ADARB2: variants seen among roughly 807,000 people sequenced by gnomAD.
ADARB2 encodes the protein adenosine deaminase RNA specific B2 (inactive).
Under a neutral mutation model 62.2 loss-of-function variants are expected in ADARB2, and 25 were observed. That is an observed-to-expected ratio of 0.40 (90% CI 0.29 to 0.56). The LOEUF is 0.56. Among genes scored for constraint, ADARB2 ranks in the 20% least tolerant of loss-of-function variants. The pLI, the probability that ADARB2 is intolerant of heterozygous loss-of-function variation, is 0.43. For synonymous variants in ADARB2, 572 were observed against 500.8 expected (o/e 1.14, Z -1.90); for missense variants, 1,071 against 1,077.4 (o/e 0.99, Z 0.08).
chr10:1,532,375 C>G (rs537532153), intron 1 of ADARB2, among the ~76,000 whole-genome samples: 2 of 152,298 alleles, frequency 1.3e-5, no homozygotes, highest in East Asian at 3.9e-4. Context: ...CCAACTTTCC[C>G]CCGTGATCTC....
chr10:1,591,940 T>C (rs1440424667), intron 1 of ADARB2, among the ~76,000 whole-genome samples: 2 of 152,236 alleles, frequency 1.3e-5, no homozygotes, highest in African/African-American at 2.4e-5. Context: ...CCGGCCGGCA[T>C]CCTTCACCTC....
At chr10:1,309,014 A>AT (rs998660287) in intron 3 of ADARB2, among the ~76,000 whole-genome samples, 27 of 152,300 alleles carry the variant, frequency 1.8e-4, no homozygotes, top group Middle Eastern at 3.4e-3. Context: ...AAAGGCAATG[A>AT]TTTTTTTATA....
chr10:1,303,128 G>GA lies in ADARB2; in HGVS notation c.1078-32060dup, dbSNP rs1490665517. On this transcript the variant is annotated intron_variant, in intron 3 of 9. Transcript: ENST00000381312. ...CAAAGGCAAAGAAGTTGAAAACTTT[G>GA]AAAAAAATTTAGAAGAATTTGTAAC... Among the ~76,000 whole-genome samples, 5 of 151,570 alleles carry GA rather than the reference G, an allele frequency of 3.3e-5. No individual in the cohort carries two copies. In the East Asian group the frequency reaches 9.7e-4, roughly 30 times the overall value.
At chr10:1,654,058 C>T (rs375275776) in intron 1 of ADARB2, among the ~76,000 whole-genome samples, 1 of 152,036 alleles carries the variant, frequency 6.6e-6, no homozygotes, top group Admixed American at 6.6e-5. Flanking sequence ...CCTTCAGCAT[C>T]CGATGCTCCT....
intron 9 of ADARB2, 65 bp downstream of exon 9, chr10:1,184,796 T>A: frequency 6.5e-7 from 1 of 1,549,448 alleles, no homozygotes; most frequent in Non-Finnish European, 8.7e-7. Flanking sequence ...TCCCAAGAGC[T>A]TGCTCAGGGC....
At chr10:1,652,508 G>A (rs901720824) in intron 1 of ADARB2, among the ~76,000 whole-genome samples, 5 of 152,210 alleles carry the variant, frequency 3.3e-5, no homozygotes, top group African/African-American at 4.8e-5. Context: ...TCTTAGGGGA[G>A]GAAGAGAAAC....
At chr10:1,715,426 A>T (rs1481751386) in intron 1 of ADARB2, among the ~76,000 whole-genome samples, 1 of 152,242 alleles carries the variant, frequency 6.6e-6, no homozygotes, top group Non-Finnish European at 1.5e-5. Context: ...TACTGTACAA[A>T]TAGATTTTGA....
chr10:1,568,128 C>A (rs923858169), intron 1 of ADARB2, among the ~76,000 whole-genome samples: 1 of 152,240 alleles, frequency 6.6e-6, no homozygotes, highest in Non-Finnish European at 1.5e-5. Flanking sequence ...GCAAACCACC[C>A]GGGGAACAGT....
intron 1 of ADARB2, among the ~76,000 whole-genome samples, chr10:1,726,210 G>T (rs1316474408): frequency 6.6e-6 from 1 of 152,198 alleles, no homozygotes; most frequent in Non-Finnish European, 1.5e-5. Flanking sequence ...GTTGGGTGTA[G>T]CCTCTACATA....
chr10:1,401,468 G>T (rs1243532076), intron 1 of ADARB2, among the ~76,000 whole-genome samples: 1 of 152,190 alleles, frequency 6.6e-6, no homozygotes. Flanking sequence ...TGGAGGGCAG[G>T]TGCCAGCGCT....
intron 1 of ADARB2, among the ~76,000 whole-genome samples, chr10:1,558,134 C>T (rs575196198): frequency 5.7e-4 from 86 of 152,194 alleles, no homozygotes; most frequent in Middle Eastern, 6.8e-3. Flanking sequence ...GGAACCCTCA[C>T]GTCTCCATCC....
intron 7 of ADARB2, among the ~76,000 whole-genome samples, chr10:1,212,136 T>C (rs749085040): frequency 1.9e-4 from 29 of 152,354 alleles, no homozygotes; most frequent in Non-Finnish European, 3.8e-4. Context: ...ATTAACTCCC[T>C]GACTTAGAAT....
intron 1 of ADARB2, among the ~76,000 whole-genome samples, chr10:1,521,216 A>G (rs1832070573): frequency 6.6e-6 from 1 of 152,126 alleles, no homozygotes. Context: ...CGGGCATGGC[A>G]TTACTCCCCC....
intron 1 of ADARB2, among the ~76,000 whole-genome samples, chr10:1,453,193 C>T (rs1008992528): frequency 2.6e-5 from 4 of 152,220 alleles, no homozygotes; most frequent in African/African-American, 9.6e-5. Context: ...TTCCCTGTCT[C>T]CCCATGGAAA....
chr10:1,308,453 A>G (rs1831652838), intron 3 of ADARB2, among the ~76,000 whole-genome samples: 1 of 152,266 alleles, frequency 6.6e-6, no homozygotes, highest in Admixed American at 6.5e-5. Flanking sequence ...TAAAGCTACT[A>G]TAAACATCCA....
intron 1 of ADARB2, among the ~76,000 whole-genome samples, chr10:1,673,558 C>T (rs1320953909): frequency 6.6e-6 from 1 of 152,150 alleles, no homozygotes; most frequent in South Asian, 2.1e-4. Flanking sequence ...TCGCTTAGAC[C>T]TTATTGAAGT....
intron 1 of ADARB2, among the ~76,000 whole-genome samples, chr10:1,387,001 C>A (rs576407976): frequency 1.3e-5 from 2 of 151,896 alleles, no homozygotes; most frequent in South Asian, 4.2e-4. Flanking sequence ...AATTAAGTAT[C>A]ACCATTGTAA....
chr10:1,538,570 G>A (rs1184739527), intron 1 of ADARB2, among the ~76,000 whole-genome samples: 2 of 152,184 alleles, frequency 1.3e-5, no homozygotes, highest in African/African-American at 4.8e-5. Flanking sequence ...CCAGACCTGC[G>A]GGAAGAGTGA....
chr10:1,576,285 C>T (rs939447855), intron 1 of ADARB2, among the ~76,000 whole-genome samples: 5 of 148,322 alleles, frequency 3.4e-5, no homozygotes, highest in Non-Finnish European at 7.4e-5. Flanking sequence ...AAGGAGGGGG[C>T]TCAGGATCAC....
Sources: gnomAD v4.1 joint callset for allele counts (sites outside exome capture counted in the v4.1 genomes callset) on GRCh38, gnomAD v4.1.1 for gene constraint, MANE v1.5 for transcripts, NCBI Gene and HGNC (gene_info 2026-07-23, HGNC 2026-07-21) for gene names.